Variants in MAML2 observed in about 807,000 individuals in gnomAD.
MAML2 encodes mastermind-like protein 2.
A neutral mutation model predicts 96.1 loss-of-function variants in MAML2; 22 were observed. The ratio of observed to expected loss-of-function variants is 0.23; its 90% CI spans 0.16 to 0.33. The LOEUF is 0.33. Among genes scored for constraint, MAML2 ranks in the 10% least tolerant of loss-of-function variants. The pLI, the probability that MAML2 is intolerant of heterozygous loss-of-function variation, is 1.00. For missense variants in MAML2, 1,367 were observed against 1,392.4 expected (o/e 0.98, Z 0.29); for synonymous variants, 561 against 521.3 (o/e 1.08, Z -1.04).
chr11:96,155,195 A>G (rs942985210), intron 1 of MAML2, among the ~76,000 whole-genome samples: 1 of 152,108 alleles, frequency 6.6e-6, no homozygotes, highest in Admixed American at 6.5e-5. Flanking sequence ...TTCATTTGGA[A>G]TTCAGGTGGG....
chr11:96,012,243 C>T (rs536965426), intron 2 of MAML2, among the ~76,000 whole-genome samples: 74 of 152,308 alleles, frequency 4.9e-4, no homozygotes, highest in African/African-American at 1.7e-3. Flanking sequence ...AAGAGAACAG[C>T]GGCTTACATC....
At chr11:96,021,758 C>T (rs1191059575) in intron 2 of MAML2, among the ~76,000 whole-genome samples, 1 of 152,114 alleles carries the variant, frequency 6.6e-6, no homozygotes, top group African/African-American at 2.4e-5. Flanking sequence ...TGTGTTTTAG[C>T]CATTGAGATT....
intron 1 of MAML2, among the ~76,000 whole-genome samples, chr11:96,216,134 G>T (rs1862047005): frequency 2.0e-5 from 3 of 152,130 alleles, no homozygotes; most frequent in Admixed American, 2.0e-4. Flanking sequence ...TTGGTAGTTG[G>T]TAATCTCTTT....
At chr11:96,227,259 T>A (rs926384900) in intron 1 of MAML2, among the ~76,000 whole-genome samples, 1 of 152,232 alleles carries the variant, frequency 6.6e-6, no homozygotes, top group African/African-American at 2.4e-5. Context: ...TTATAGTTCA[T>A]AGTTTCCTTC....
intron 1 of MAML2, among the ~76,000 whole-genome samples, chr11:96,314,436 G>C (rs142421937): frequency 2.3e-4 from 35 of 152,318 alleles, no homozygotes; most frequent in Middle Eastern, 3.4e-3. Flanking sequence ...AGACCAGCTT[G>C]TTTAACATTT....
intron 1 of MAML2, among the ~76,000 whole-genome samples, chr11:96,273,613 A>G (rs1485103454): frequency 6.6e-6 from 1 of 152,210 alleles, no homozygotes; most frequent in African/African-American, 2.4e-5. Context: ...GGAAATATGA[A>G]TAAGGGACCT....
intron 1 of MAML2, among the ~76,000 whole-genome samples, chr11:96,240,250 T>C (rs1786708): frequency 0.085 from 12,942 of 151,996 alleles, 643 homozygotes; most frequent in Middle Eastern, 0.16. Context: ...AAATAGAAAA[T>C]TTGGTTTGTT....
chr11:96,107,563 T>G (rs1406450920), intron 1 of MAML2, among the ~76,000 whole-genome samples: 1 of 152,198 alleles, frequency 6.6e-6, no homozygotes, highest in Non-Finnish European at 1.5e-5. Context: ...ATGATAAGTG[T>G]TTCTTTGTAA....
chr11:96,080,072 C>A (rs1032399952), intron 2 of MAML2, among the ~76,000 whole-genome samples: 2 of 152,238 alleles, frequency 1.3e-5, no homozygotes, highest in African/African-American at 4.8e-5. Context: ...ATTATAATTA[C>A]AGTGTACTGC....
chr11:96,163,456 C>A (rs1208426084), intron 1 of MAML2, among the ~76,000 whole-genome samples: 1 of 152,170 alleles, frequency 6.6e-6, no homozygotes, highest in Non-Finnish European at 1.5e-5. Flanking sequence ...CTCTTATTAT[C>A]TTCACAAACA....
rs1374855223 is a variant in MAML2 at position 96,130,548 on chromosome 11, T to TA, written c.514-37032dup. Among the ~76,000 whole-genome samples, 28 of 152,208 alleles carry TA rather than the reference T, an allele frequency of 1.8e-4. 1 individual carries two copies. The highest frequency in any genetic ancestry group is 1.5e-5 in the Non-Finnish European group (1 of 68,032). On this transcript the variant is annotated intron_variant, in intron 1 of 4. Transcript: ENST00000524717. Reference sequence around the variant, plus strand: ...CAATCTAGGGACACGAAAGATGAAGTAAAATCTATAAGTTGGATTTTAGTT... The same window carrying TA: ...CAATCTAGGGACACGAAAGATGAAGTAAAAATCTATAAGTTGGATTTTAGTT...
chr11:96,249,000 T>C (rs1388418901), intron 1 of MAML2, among the ~76,000 whole-genome samples: 1 of 152,260 alleles, frequency 6.6e-6, no homozygotes, highest in African/African-American at 2.4e-5. Flanking sequence ...AGGATTTTGC[T>C]GTTGTCACTG....
At chr11:96,263,377 G>A (rs1333615147) in intron 1 of MAML2, among the ~76,000 whole-genome samples, 1 of 152,202 alleles carries the variant, frequency 6.6e-6, no homozygotes, top group Non-Finnish European at 1.5e-5. Flanking sequence ...ATCAAAAAAG[G>A]TTAAAGCTAT....
chr11:96,027,024 T>C lies in MAML2; in HGVS notation c.2140-35301A>G, dbSNP rs72969724. On this transcript the variant is annotated intron_variant, in intron 2 of 4. Coordinates refer to ENST00000524717, the MANE Select transcript of MAML2 (RefSeq NM_032427.4). ...ATAAACCAATGAATGGACAACATTG[T>C]AGGAAGCTTGTTTTCCTACCTACAG... is the stretch of plus-strand genomic sequence containing the variant. Among the ~76,000 whole-genome samples, 752 of 152,242 alleles carry C rather than the reference T, an allele frequency of 4.9e-3. 2 individuals carry two copies. The highest frequency in any genetic ancestry group is 8.3e-3 in the Non-Finnish European group (562 of 68,002).
At chr11:96,203,589 C>T (rs1246095913) in intron 1 of MAML2, among the ~76,000 whole-genome samples, 1 of 152,320 alleles carries the variant, frequency 6.6e-6, no homozygotes, top group African/African-American at 2.4e-5. Context: ...ACATAGTATC[C>T]TTTCTCTTGA....
intron 1 of MAML2, among the ~76,000 whole-genome samples, chr11:96,294,397 A>C (rs1313814992): frequency 6.6e-6 from 1 of 152,222 alleles, no homozygotes; most frequent in Non-Finnish European, 1.5e-5. Flanking sequence ...CATAAAACCA[A>C]GACCACATGG....
At chr11:96,176,542 G>A (rs978152776) in intron 1 of MAML2, among the ~76,000 whole-genome samples, 1 of 152,102 alleles carries the variant, frequency 6.6e-6, no homozygotes, top group Admixed American at 6.5e-5. Context: ...TTTGGATGGG[G>A]CACAGAGTCT....
chr11:96,233,987 T>A (rs1189648028), intron 1 of MAML2, among the ~76,000 whole-genome samples: 2 of 152,222 alleles, frequency 1.3e-5, no homozygotes, highest in Admixed American at 6.5e-5. Flanking sequence ...CAGTCAGCAC[T>A]GTCTCCATCC....
chr11:96,290,673 C>T (rs944814936), intron 1 of MAML2, among the ~76,000 whole-genome samples: 2 of 152,140 alleles, frequency 1.3e-5, no homozygotes, highest in Admixed American at 6.5e-5. Context: ...CTTTGAAGTA[C>T]CAATTTTTCT....
Sources: allele counts gnomAD v4.1 joint callset (sites outside exome capture counted in the v4.1 genomes callset), GRCh38; gene constraint gnomAD v4.1.1; transcripts MANE v1.5; gene names NCBI Gene and HGNC (gene_info 2026-07-23, HGNC 2026-07-21).